Variants in FKBP14 observed in about 807,000 individuals in gnomAD.
FKBP14 encodes peptidyl-prolyl cis-trans isomerase FKBP14.
FKBP14 carries 20 observed loss-of-function variants against 21.6 expected under a neutral mutation model. The ratio of observed to expected loss-of-function variants is 0.92; its 90% confidence interval spans 0.65 to 1.34. The LOEUF (loss-of-function observed/expected upper bound fraction) is 1.34, where lower values mean the gene tolerates loss of function less well. Ranked by LOEUF, FKBP14 falls within the 40% of genes most tolerant of loss-of-function variation. The pLI, the probability that FKBP14 is intolerant of heterozygous loss-of-function variation, is 0.00. For missense variants in FKBP14, 253 were observed against 249.0 expected (o/e 1.02, Z -0.11); for synonymous variants, 79 against 86.7 (o/e 0.91, Z 0.49).
chr7:30,016,660 C>T (rs1789893954), intron 3 of FKBP14, among the ~76,000 whole-genome samples: 1 of 152,186 alleles, frequency 6.6e-6, no homozygotes, highest in Non-Finnish European at 1.5e-5. Context: ...TCCCAAAGTG[C>T]TGGGATTACA....
chr7:30,016,968 T>C (rs992937511), intron 3 of FKBP14, among the ~76,000 whole-genome samples: 2 of 152,150 alleles, frequency 1.3e-5, no homozygotes, highest in African/African-American at 4.8e-5. Context: ...TATGGATTAA[T>C]GTAGAATGTA....
chr7:30,021,417 A>G (rs968405026), intron 2 of FKBP14, among the ~76,000 whole-genome samples: 1 of 152,208 alleles, frequency 6.6e-6, no homozygotes, highest in Non-Finnish European at 1.5e-5. Context: ...TTACCAGTAT[A>G]CCACTTACGA....
intron 1 of FKBP14, among the ~76,000 whole-genome samples, chr7:30,025,194 C>G (rs1458710135): frequency 6.6e-6 from 1 of 152,184 alleles, no homozygotes; most frequent in African/African-American, 2.4e-5. Flanking sequence ...CCTACAACAT[C>G]CTTCCCTACT....
downstream of FKBP14, among the ~76,000 whole-genome samples, chr7:30,008,664 T>G (rs1583719213): frequency 1.7e-5 from 2 of 118,912 alleles, no homozygotes; most frequent in Admixed American, 1.0e-4. Context: ...GAGGTTGCAG[T>G]GAGCTGAGAT....
downstream of FKBP14, among the ~76,000 whole-genome samples, chr7:30,010,065 A>T (rs1354544242): frequency 6.6e-6 from 1 of 152,208 alleles, no homozygotes; most frequent in African/African-American, 2.4e-5. Context: ...TTAATAAAAT[A>T]AAAACTACAA....
At chr7:30,009,129 C>G (rs913340764), downstream of FKBP14, among the ~76,000 whole-genome samples, 6 of 152,174 alleles carry the variant, frequency 3.9e-5, no homozygotes, top group African/African-American at 1.2e-4. Flanking sequence ...TCCAAGTGCT[C>G]TGCATCTCTG....
chr7:30,006,474 C>T (rs1299348757), downstream of FKBP14, among the ~76,000 whole-genome samples: 1 of 151,000 alleles, frequency 6.6e-6, no homozygotes, highest in Admixed American at 6.6e-5. Context: ...GAACATTCTT[C>T]TACAGGGGTG....
chr7:30,023,586 T>G (rs1583735251), intron 1 of FKBP14, among the ~76,000 whole-genome samples: 1 of 152,310 alleles, frequency 6.6e-6, no homozygotes, highest in Non-Finnish European at 1.5e-5. Flanking sequence ...AGGACTGGTG[T>G]GTTAGTCCAT....
At chr7:30,022,952 T>TACCTC in intron 1 of FKBP14, 136 bp from the exon 2 acceptor site, 1 of 673,008 alleles carries the variant, frequency 1.5e-6, no homozygotes, top group Middle Eastern at 4.0e-4. Context: ...TTTGCACACA[T>TACCTC]ACACACACAC....
At chr7:30,023,883 A>G (rs1374356556) in intron 1 of FKBP14, among the ~76,000 whole-genome samples, 3 of 152,166 alleles carry the variant, frequency 2.0e-5, no homozygotes, top group African/African-American at 7.2e-5. Flanking sequence ...CCCTTCCACA[A>G]CATGTGGGGA....
chr7:30,018,788 T>C (rs865933174), intron 3 of FKBP14, among the ~76,000 whole-genome samples: 2 of 152,144 alleles, frequency 1.3e-5, no homozygotes, highest in African/African-American at 4.8e-5. Context: ...TTAATATATT[T>C]CTCTCCAAAA....
At chr7:30,020,588 A>C (rs1214683030) in intron 2 of FKBP14, among the ~76,000 whole-genome samples, 1 of 152,208 alleles carries the variant, frequency 6.6e-6, no homozygotes, top group African/African-American at 2.4e-5. Flanking sequence ...TAAAATAGTC[A>C]TAGTAACAGA....
rs141926259 is a variant in FKBP14 at position 30,018,962 on chromosome 7, A to T, written c.477+34T>A. On this transcript the variant is annotated intron_variant, in intron 3 of 3. Transcript: ENST00000222803. ...ACAAAACCCCAAACAACCAAAGAAAAGTAGAAAGAGGAGTAGGAAGAAGGA... is the reference window on the plus strand; with the variant it reads ...ACAAAACCCCAAACAACCAAAGAAATGTAGAAAGAGGAGTAGGAAGAAGGA... The T allele has an allele frequency of 1.6e-4, 257 of 1,595,900 alleles. No homozygotes were observed. The African/African-American group carries it at 3.3e-3, about 20-fold the overall frequency.
chr7:30,007,487 C>T (rs1031538432), downstream of FKBP14, among the ~76,000 whole-genome samples: 3 of 152,080 alleles, frequency 2.0e-5, no homozygotes, highest in South Asian at 2.1e-4. Flanking sequence ...GGATTACAGG[C>T]GTGAGCCACT....
intron 2 of FKBP14, among the ~76,000 whole-genome samples, chr7:30,020,783 G>T (rs1352933271): frequency 6.6e-6 from 1 of 152,088 alleles, no homozygotes; most frequent in Non-Finnish European, 1.5e-5. Flanking sequence ...TTAAAGGTGA[G>T]ACAATAAAGA....
intron 3 of FKBP14, among the ~76,000 whole-genome samples, chr7:30,017,205 GTAAT>G (rs1430284277): frequency 6.6e-6 from 1 of 151,636 alleles, no homozygotes; most frequent in Non-Finnish European, 1.5e-5. Flanking sequence ...AAAGAAAAAA[GTAAT>G]TAATAAAACT....
intron 3 of FKBP14, 58 bp downstream of exon 3, chr7:30,018,938 C>A: frequency 6.4e-7 from 1 of 1,572,542 alleles, no homozygotes; most frequent in Admixed American, 2.0e-5. Context: ...CAAAACAAAA[C>A]AAAACCCCAA....
intron 3 of FKBP14, among the ~76,000 whole-genome samples, chr7:30,015,284 G>A (rs576582375): frequency 6.6e-6 from 1 of 152,104 alleles, no homozygotes; most frequent in South Asian, 2.1e-4. Context: ...CAGGCATGAT[G>A]GCATGCGTCT....
chr7:30,025,260 G>A (rs1790144022), intron 1 of FKBP14: 1 of 152,160 alleles, frequency 6.6e-6, no homozygotes, highest in South Asian at 2.1e-4. Flanking sequence ...ATGGTCTCTG[G>A]GAAGTCTTTC....
Sources: gnomAD v4.1 joint callset for allele counts (sites outside exome capture counted in the v4.1 genomes callset) on GRCh38, gnomAD v4.1.1 for gene constraint, MANE v1.5 for transcripts, NCBI Gene and HGNC (gene_info 2026-07-23, HGNC 2026-07-21) for gene names.